Variants in ZAR1L observed in about 807,000 individuals in gnomAD.
ZAR1L encodes zygote arrest 1 like.
A neutral mutation model predicts 30.0 loss-of-function variants in ZAR1L; 16 were observed. The observed-to-expected ratio is 0.53, with a 90% confidence interval of 0.36 to 0.81. The LOEUF (loss-of-function observed/expected upper bound fraction) is 0.81, where lower values mean the gene tolerates loss of function less well. Among genes scored for constraint, ZAR1L ranks in the 30% least tolerant of loss-of-function variants. The pLI, the probability that ZAR1L is intolerant of heterozygous loss-of-function variation, is 0.00. For synonymous variants in ZAR1L, 197 were observed against 166.8 expected, an observed-to-expected ratio of 1.18 and a Z score of -1.40; for missense variants, 392 against 417.2, an observed-to-expected ratio of 0.94 and a Z score of 0.53.
At chr13:32,307,905 C>CAA (rs1482026891) in intron 5 of ZAR1L, among the ~76,000 whole-genome samples, 2 of 152,116 alleles carry the variant, frequency 1.3e-5, no homozygotes, top group African/African-American at 4.8e-5. Context: ...TGGGTTCAAG[C>CAA]AATTCTCCTG....
intron 2 of ZAR1L, among the ~76,000 whole-genome samples, chr13:32,313,309 ATGT>A (rs1185796703): frequency 3.9e-5 from 6 of 152,234 alleles, no homozygotes; most frequent in Non-Finnish European, 8.8e-5. Flanking sequence ...GTACATATAC[ATGT>A]TGTGCACATT....
chr13:32,311,964 C>T lies in ZAR1L; in HGVS notation c.-39G>A. The T allele has an allele frequency of 2.7e-6, 4 of 1,493,014 alleles. No individual in the cohort carries two copies. Among genetic ancestry groups the T allele is most frequent in the Non-Finnish European group, 3.6e-6 (4 of 1,117,512 alleles). The allele number at this position is 1,493,014 out of a possible 1,614,324, so 92.5% of individuals were successfully genotyped here. On this transcript the variant is annotated 5_prime_UTR_variant, in exon 3 of 6. The change creates a premature stop within an existing upstream ORF in the 5' untranslated region. Transcript: ENST00000533490. ...CTCAGGCGCAGTCTAATATCCTAGC[C>T]AGTTTGTTTGGGTCCTTATTTTGCC...
chr13:32,314,865 A>G (rs1030485691), intron 1 of ZAR1L, among the ~76,000 whole-genome samples: 2 of 152,092 alleles, frequency 1.3e-5, no homozygotes, highest in Non-Finnish European at 2.9e-5. Flanking sequence ...AAAAAAAAGC[A>G]AAAGATACTA....
rs2072213569 is a variant in ZAR1L at position 32,311,550 on chromosome 13, G to T, written c.376C>A (p.Pro126Thr). 1 of 1,533,522 alleles carries T rather than the reference G, an allele frequency of 6.5e-7. No individual in the cohort carries two copies. Among genetic ancestry groups the T allele is most frequent in the Non-Finnish European group, 8.8e-7 (1 of 1,139,002 alleles). 95.0% of individuals were successfully genotyped at this position (1,533,522 alleles called of 1,614,324 possible). A position where few individuals can be genotyped will look rare whatever the true frequency, so the allele number is the denominator to read the frequency against. Reference protein sequence around the residue: ...SPWDGRDPQEPLPACGVTSPA... With the variant: ...SPWDGRDPQETLPACGVTSPA... Reference sequence around the variant, plus strand: ...GAAGTGACCCCACAGGCTGGCAGGGGCTCCTGGGGGTCTCTGCCGTCCCAG... The same window carrying T: ...GAAGTGACCCCACAGGCTGGCAGGGTCTCCTGGGGGTCTCTGCCGTCCCAG... Residue 126 changes from proline to threonine, a missense_variant, in exon 3 of 6, where the codon CCC (proline) becomes ACC (threonine). By Grantham distance (38) the Pro-to-Thr change is conservative. Transcript: ENST00000533490.
chr13:32,308,023 G>A (rs370424798), intron 5 of ZAR1L, among the ~76,000 whole-genome samples: 3 of 152,060 alleles, frequency 2.0e-5, no homozygotes, highest in Admixed American at 6.6e-5. Flanking sequence ...GGCTGGTCTC[G>A]AACTCCTGAC....
intron 5 of ZAR1L, among the ~76,000 whole-genome samples, chr13:32,306,670 C>T (rs1354931092): frequency 6.6e-6 from 1 of 152,110 alleles, no homozygotes; most frequent in Non-Finnish European, 1.5e-5. Context: ...ACGGCTCACG[C>T]CTATAATCCC....
At chr13:32,306,403 G>T (rs572681041) in intron 5 of ZAR1L, among the ~76,000 whole-genome samples, 1 of 152,234 alleles carries the variant, frequency 6.6e-6, no homozygotes, top group South Asian at 2.1e-4. Flanking sequence ...TGAAGCTCAA[G>T]CAGGATAATT....
intron 5 of ZAR1L, 126 bp from the exon 6 acceptor site, chr13:32,304,148 G>T: frequency 1.1e-6 from 1 of 950,434 alleles, no homozygotes; most frequent in African/African-American, 1.7e-5. Context: ...AGTCCTACGA[G>T]AAGGCCAAGA....
At chr13:32,305,592 C>T (rs2072168808) in intron 5 of ZAR1L, among the ~76,000 whole-genome samples, 1 of 152,202 alleles carries the variant, frequency 6.6e-6, no homozygotes, top group Non-Finnish European at 1.5e-5. Context: ...CTCTCTTAAG[C>T]ACTTTATATA....
Position 32,304,019 on chromosome 13 carries a change from A to C in ZAR1L, c.826T>G (p.Cys276Gly). ...YRVEAIQCQT[C>G]SKSHCSCPQK... The stretch of plus-strand genomic sequence containing the variant: ...GGACAGGAACAATGAGACTTTGAGC[A>C]GGTCTTTAGGAAACAAAGAAGAGTT... The change falls in exon 6 of 6, where the codon TGC becomes GGC. Residue 276 changes from cysteine to glycine, a missense_variant. Physicochemically the swap from Cys to Gly is radical, Grantham distance 159. Coordinates refer to ENST00000533490, the MANE Select transcript of ZAR1L (RefSeq NM_001136571.2). 1 of 1,550,086 alleles carries C rather than the reference A, an allele frequency of 6.5e-7. No homozygotes were observed. The highest frequency in any genetic ancestry group is 8.7e-7 in the Non-Finnish European group (1 of 1,146,536).
rs1189626580 is a variant in ZAR1L at position 32,303,882 on chromosome 13, C to T, written c.963G>A (p.Met321Ile). 5.2e-6 allele frequency: 8 copies of T among 1,551,544 alleles called. No homozygotes were observed. The East Asian group carries it at 1.5e-4, about 28-fold the overall frequency. The change falls in exon 6 of 6, where the codon ATG (methionine) becomes ATA (isoleucine). Residue 321 changes from methionine to isoleucine, a missense_variant. Physicochemically the swap from Met to Ile is conservative, Grantham distance 10. Coordinates refer to ENST00000533490, the MANE Select transcript of ZAR1L (RefSeq NM_001136571.2). ...ATTACAAGTCACACTGTACAAGTCA[C>T]ATCACATATTTAAAGCTGTAAATAT... is the stretch of plus-strand genomic sequence containing the variant. The part of the protein sequence containing the change: ...CGNIYSFKYV[M>I]
Position 32,303,706 on chromosome 13 carries a change from C to T in ZAR1L, c.*173G>A, listed in dbSNP as rs1043741730. Reference sequence around the variant, plus strand: ...ATTAATGTGGCTTCATGGTCTAGTTCACATGCATTTATTTTATTCTATTCA... The same window carrying T: ...ATTAATGTGGCTTCATGGTCTAGTTTACATGCATTTATTTTATTCTATTCA... On this transcript the variant is annotated 3_prime_UTR_variant, in exon 6 of 6. Transcript: ENST00000533490. 2.3e-5 allele frequency: 13 copies of T among 569,998 alleles called. No homozygotes were observed. The Admixed American group carries it at 4.7e-4, about 21-fold the overall frequency. 35.3% of individuals were successfully genotyped at this position (569,998 alleles called of 1,614,324 possible). A position where few individuals can be genotyped will look rare whatever the true frequency, so the allele number is the denominator to read the frequency against.
At position 32,312,110 on chromosome 13, in the gene ZAR1L, A is replaced by C; in HGVS notation, c.-168-17T>G. On this transcript the variant is annotated splice_polypyrimidine_tract_variant and intron_variant, in intron 2 of 5. Coordinates refer to ENST00000533490, the MANE Select transcript of ZAR1L (RefSeq NM_001136571.2). ...CTTATTACCCTGATTGAGGGAGAGA[A>C]GCTCTATCTACAGATGTCTAATTGC... 2 of 706,644 alleles carry C rather than the reference A, an allele frequency of 2.8e-6. No homozygotes were observed. Among genetic ancestry groups the C allele is most frequent in the South Asian group, 2.1e-5 (1 of 47,296 alleles). The allele number at this position is 706,644 out of a possible 1,614,324, so 43.8% of individuals were successfully genotyped here. A position where few individuals can be genotyped will look rare whatever the true frequency, so the allele number is the denominator to read the frequency against.
intron 5 of ZAR1L, among the ~76,000 whole-genome samples, chr13:32,307,462 G>C (rs557873838): frequency 3.6e-4 from 42 of 115,504 alleles, no homozygotes; most frequent in African/African-American, 1.4e-3. Flanking sequence ...TTGCACCACT[G>C]TACTCCAGCC....
Position 32,310,929 on chromosome 13 carries a change from T to G in ZAR1L, c.655-198A>C, listed in dbSNP as rs115018173. On this transcript the variant is annotated intron_variant, in intron 3 of 5. Coordinates refer to ENST00000533490, the MANE Select transcript of ZAR1L (RefSeq NM_001136571.2). The stretch of plus-strand genomic sequence containing the variant: ...TTCTTCTTGCTGCTGTCGTTTGTAC[T>G]TTTCCAATCCATTTTCCACAATGCT... Among the ~76,000 whole-genome samples, 826 of 152,284 alleles carry G rather than the reference T, an allele frequency of 5.4e-3. 9 individuals are homozygous for G. Among genetic ancestry groups the G allele is most frequent in the African/African-American group, 0.019 (788 of 41,564 alleles).
chr13:32,305,559 T>C (rs929169434), intron 5 of ZAR1L, among the ~76,000 whole-genome samples: 2 of 152,242 alleles, frequency 1.3e-5, no homozygotes, highest in South Asian at 2.1e-4. Context: ...AATACTCACA[T>C]GGTGTTTACT....
intron 3 of ZAR1L, 92 bp from the exon 4 acceptor site, chr13:32,310,823 C>T (rs1166297366): frequency 3.8e-6 from 3 of 789,628 alleles, no homozygotes; most frequent in East Asian, 2.7e-5. Flanking sequence ...AAAAAAATGA[C>T]TTCTTTAACC....
intron 5 of ZAR1L, among the ~76,000 whole-genome samples, chr13:32,305,780 C>T (rs971158309): frequency 6.6e-6 from 1 of 152,150 alleles, no homozygotes; most frequent in African/African-American, 2.4e-5. Context: ...GAGAAATTAT[C>T]AGAGCATTAG....
chr13:32,310,249 C>G (rs902650083), intron 4 of ZAR1L, among the ~76,000 whole-genome samples: 2 of 152,256 alleles, frequency 1.3e-5, no homozygotes, highest in African/African-American at 4.8e-5. Context: ...AAGTCTCTTA[C>G]AGGCAAATCT....
Sources: allele counts gnomAD v4.1 joint callset (sites outside exome capture counted in the v4.1 genomes callset), GRCh38; gene constraint gnomAD v4.1.1; transcripts MANE v1.5; gene names NCBI Gene and HGNC (gene_info 2026-07-23, HGNC 2026-07-21).